The following ACAP3 variants were observed in gnomAD, a reference collection of about 807,000 sequenced individuals.
ACAP3 encodes the protein ArfGAP with coiled-coil, ankyrin repeat and PH domains 3.
Under a neutral mutation model 104.1 loss-of-function variants are expected in ACAP3, and 56 were observed. The observed-to-expected ratio is 0.54, with a 90% CI of 0.43 to 0.67. The LOEUF is 0.67. ACAP3 is among the 30% of genes least tolerant of loss of function. The pLI is 0.00. For synonymous variants in ACAP3, 628 were observed against 496.2 expected, an observed-to-expected ratio of 1.27 and a Z score of -3.53; for missense variants, 1,208 against 1,174.9, an observed-to-expected ratio of 1.03 and a Z score of -0.41.
chr1:1,300,615 T>C lies in ACAP3; in HGVS notation c.416A>G (p.Asn139Ser). ...GGGCCGGTGCCTCGGGGCCTGGGCG[T>C]TCCTCACCAGGGACAGCTCCAGGTC... ...REDLELSLVR[N>S]AQAPRHRPHE... The change falls in exon 6 of 24, where the codon AAC becomes AGC. Residue 139 changes from asparagine to serine, a missense_variant. Physicochemically the swap from Asn to Ser is conservative, Grantham distance 46 (BLOSUM62 1). Coordinates refer to ENST00000354700, the MANE Select transcript of ACAP3 (RefSeq NM_030649.3). 1 of 1,608,538 alleles carries C rather than the reference T, an allele frequency of 6.2e-7. No homozygotes were observed.
chr1:1,295,981 C>T, intron 17 of ACAP3, 34 bp downstream of exon 17: 1 of 1,612,738 alleles, frequency 6.2e-7, no homozygotes. Flanking sequence ...CAGGCTGGGG[C>T]TCCCTGACTG....
intron 22 of ACAP3, 47 bp downstream of exon 22, chr1:1,294,043 G>A (rs1239192643): frequency 1.3e-6 from 2 of 1,510,332 alleles, no homozygotes; most frequent in Admixed American, 2.2e-5. Context: ...CCGGGCCGGG[G>A]TAGGCGTGGT....
At chr1:1,304,445 G>C (rs1175557663) in intron 1 of ACAP3, 1 of 522,102 alleles carries the variant, frequency 1.9e-6, no homozygotes, top group Non-Finnish European at 3.5e-6. Flanking sequence ...TGCCCACCAA[G>C]GGCTGAGCCA....
At chr1:1,299,725 G>T in intron 9 of ACAP3, 106 bp downstream of exon 9, 1 of 1,305,840 alleles carries the variant, frequency 7.7e-7, no homozygotes, top group Non-Finnish European at 1.0e-6. Context: ...AGGGCAGGTG[G>T]GAGACAGGCA....
chr1:1,293,731 A>ACGCCCCTGCCCGGGAGGCCC (rs1640951280), intron 23 of ACAP3, 23 bp from the exon 24 acceptor site: 1 of 938,914 alleles, frequency 1.1e-6, no homozygotes, highest in Non-Finnish European at 1.4e-6. Flanking sequence ...ACAGCGTGAG[A>ACGCCCCTGCCCGGGAGGCCC]CGCCCCTGCC....
In ACAP3 at chr1:1,294,453, C is replaced by G. The variant is rs767619464; in HGVS notation, c.2088G>C (p.Trp696Cys). 1.3e-6 allele frequency: 2 copies of G among 1,572,920 alleles called. No individual in the cohort carries two copies. Among genetic ancestry groups the G allele is most frequent in the South Asian group, 1.1e-5 (1 of 87,030 alleles). The part of the protein sequence containing the change: ...AALAHGAEVN[W>C]ADAEDEGKTP... The stretch of plus-strand genomic sequence containing the variant: ...TCTTGCCCTCATCCTCCGCGTCCGC[C>G]CAGTTGACCTCGGCCCCGTGGGCCA... Residue 696 changes from tryptophan (W) to cysteine (C), a missense_variant, in exon 21 of 24, where the codon TGG becomes TGC. Physicochemically the swap from Trp to Cys is radical, Grantham distance 215. Coordinates refer to ENST00000354700, the MANE Select transcript of ACAP3 (RefSeq NM_030649.3).
chr1:1,293,919 A>G lies in ACAP3; in HGVS notation c.2264T>C (p.Phe755Ser). Residue 755 changes from phenylalanine (F) to serine (S), a missense_variant, in exon 23 of 24, where the codon TTC becomes TCC. Phe to Ser is a radical substitution (Grantham distance 155). Transcript: ENST00000354700. ...GTGCTGGTCCGCGCCCCGCTTCAGG[A>G]ACAGGCAAACCTGGCTGAGGGGCGA... is the stretch of plus-strand genomic sequence containing the variant. ...LLGRTGQVCL[F>S]LKRGADQHAL... is the part of the protein sequence containing the mutation. 1 of 1,578,618 alleles carries G rather than the reference A, an allele frequency of 6.3e-7. No homozygotes were observed. The highest frequency in any genetic ancestry group is 1.1e-5 in the South Asian group (1 of 88,538).
chr1:1,307,240 C>G (rs1451633329), intron 1 of ACAP3: 1 of 1,287,634 alleles, frequency 7.8e-7, no homozygotes, highest in Non-Finnish European at 1.0e-6. Context: ...GCACACAACC[C>G]CTACCCCCTA....
Position 1,294,770 on chromosome 1 carries a change from C to A in ACAP3, c.1860G>T (p.Ser620=), listed in dbSNP as rs1043439364. 6.5e-7 allele frequency: 1 copy of A among 1,549,748 alleles called. No individual in the cohort carries two copies. Among genetic ancestry groups the A allele is most frequent in the Admixed American group, 2.0e-5 (1 of 50,976 alleles). ...SGLGGSSDGS[S]DVLAFGSGSV... is the part of the protein sequence containing the mutation. ...AGCCCGAGCCGAAAGCCAGGACGTC[C>A]GAGCTGCCATCCGAGCTGCCCCCAA... The change falls in exon 20 of 24, where the codon TCG becomes TCT. Residue 620 remains serine (S), a synonymous_variant. Coordinates refer to ENST00000354700, the MANE Select transcript of ACAP3 (RefSeq NM_030649.3).
Position 1,298,088 on chromosome 1 carries a change from T to G in ACAP3, c.941A>C (p.Asp314Ala). 6.2e-7 allele frequency: 1 copy of G among 1,608,854 alleles called. No individual in the cohort carries two copies. The highest frequency in any genetic ancestry group is 8.5e-7 in the Non-Finnish European group (1 of 1,178,332). ...LKDALTVVVD[D>A]LRLCSVKPCE... is the part of the protein sequence containing the mutation. ...CGGCTTCACAGAGCACAGGCGGAGG[T>G]CATCCACCACCACGGTGAGGGCATC... Residue 314 changes from aspartate (D) to alanine (A), a missense_variant, in exon 13 of 24, where the codon GAC becomes GCC. By Grantham distance (126) the Asp-to-Ala change is moderately radical. Coordinates refer to ENST00000354700, the MANE Select transcript of ACAP3 (RefSeq NM_030649.3).
At chr1:1,307,714 A>G in intron 1 of ACAP3, 55 bp downstream of exon 1, 1 of 1,078,536 alleles carries the variant, frequency 9.3e-7, no homozygotes, top group Non-Finnish European at 1.1e-6. Context: ...CCGGGCACAA[A>G]GGCGACAGCG....
At chr1:1,305,213 T>A (rs1387992262) in intron 1 of ACAP3, 2 of 152,094 alleles carry the variant, frequency 1.3e-5, no homozygotes, top group African/African-American at 4.8e-5. Flanking sequence ...GGACACTAGG[T>A]CCTCTCTGAG....
At chr1:1,297,112 T>C (rs1311712730) in intron 14 of ACAP3, among the ~76,000 whole-genome samples, 2 of 151,692 alleles carry the variant, frequency 1.3e-5, no homozygotes, top group Non-Finnish European at 2.9e-5. Flanking sequence ...CGTAGGTGTG[T>C]GCACCGGCAC....
intron 1 of ACAP3, chr1:1,305,260 T>G (rs1378188023): frequency 2.0e-5 from 3 of 152,760 alleles, no homozygotes; most frequent in African/African-American, 7.2e-5. Flanking sequence ...AAGAGGACTC[T>G]GAATCCCGAA....
Position 1,307,892 on chromosome 1 carries a change from T to TCCCGCCCGCGCCGCCTCGGCG in ACAP3, c.-98_-78dup. On this transcript the variant is annotated 5_prime_UTR_variant, in exon 1 of 24. Transcript: ENST00000354700. ...CAGCCGCGCCGGCCCGGACCGCTCG[T>TCCCGCCCGCGCCGCCTCGGCG]CCCGCCCGCGCCGCCTCGGCGCCCG... The TCCCGCCCGCGCCGCCTCGGCG allele has an allele frequency of 1.2e-6, 1 of 864,564 alleles. No homozygotes were observed. Among genetic ancestry groups the TCCCGCCCGCGCCGCCTCGGCG allele is most frequent in the Non-Finnish European group, 1.4e-6 (1 of 721,238 alleles). 53.6% of individuals were successfully genotyped at this position (864,564 alleles called of 1,614,324 possible).
chr1:1,303,891 C>A lies in ACAP3; in HGVS notation c.105+195G>T. The A allele has an allele frequency of 1.4e-6, 1 of 693,292 alleles. No homozygotes were observed. The highest frequency in any genetic ancestry group is 2.7e-5 in the Admixed American group (1 of 37,496). The allele number at this position is 693,292 out of a possible 1,614,324, so 42.9% of individuals were successfully genotyped here. A position where few individuals can be genotyped will look rare whatever the true frequency, so the allele number is the denominator to read the frequency against. On this transcript the variant is annotated intron_variant, in intron 2 of 23. Transcript: ENST00000354700. This position sits in a 1 kb window ranked among gnomAD's most constrained non-coding sequence, Gnocchi z 4.0. ...CTCCCAGATGGGACGAGACTCAGGGCCAGCCACATGTGTGCATGTGACATG... is the reference window on the plus strand; with the variant it reads ...CTCCCAGATGGGACGAGACTCAGGGACAGCCACATGTGTGCATGTGACATG...
chr1:1,294,902 C>T (rs1275686659), intron 19 of ACAP3, 86 bp from the exon 20 acceptor site: 5 of 1,377,596 alleles, frequency 3.6e-6, no homozygotes, highest in Non-Finnish European at 5.0e-6. Flanking sequence ...ACTCCACCCA[C>T]CCTCCAGGGG....
chr1:1,299,054 T>G (rs1641325464), intron 10 of ACAP3: 1 of 563,412 alleles, frequency 1.8e-6, no homozygotes, highest in Non-Finnish European at 3.1e-6. Flanking sequence ...GGCCTGGGAG[T>G]CACTGAGGGC....
At position 1,294,109 on chromosome 1, in the gene ACAP3, T is replaced by C; in HGVS notation, c.2230A>G (p.Thr744Ala). 1 of 1,583,370 alleles carries C rather than the reference T, an allele frequency of 6.3e-7. No homozygotes were observed. Among genetic ancestry groups the C allele is most frequent in the Non-Finnish European group, 8.6e-7 (1 of 1,164,876 alleles). The change falls in exon 22 of 24, where the codon ACG (threonine) becomes GCG (alanine). Residue 744 changes from threonine to alanine, a missense_variant. Coordinates refer to ENST00000354700, the MANE Select transcript of ACAP3 (RefSeq NM_030649.3). ...SRGRAPLHHATLLGRTGQVCL... is the reference protein window; with the variant it reads ...SRGRAPLHHAALLGRTGQVCL... ...TCTCACCCGGTGCGGCCCAGCAGCG[T>C]GGCGTGGTGCAGGGGCGCCCGGCCC...
Sources: allele counts gnomAD v4.1 joint callset (sites outside exome capture counted in the v4.1 genomes callset), GRCh38; gene constraint gnomAD v4.1.1; non-coding constraint Gnocchi (gnomAD v3.1); transcripts MANE v1.5; gene names NCBI Gene and HGNC (gene_info 2026-07-23, HGNC 2026-07-21).